Variants in NR2E3 observed in about 807,000 individuals in gnomAD.
NR2E3 encodes the protein photoreceptor-specific nuclear receptor.
Under a neutral mutation model 37.6 loss-of-function variants are expected in NR2E3, and 38 were observed. The observed-to-expected ratio is 1.01, with a 90% CI of 0.78 to 1.33. The LOEUF (loss-of-function observed/expected upper bound fraction) is 1.33. Among genes scored for constraint, NR2E3 ranks in the 40% most tolerant of loss-of-function variants. The pLI is 0.00. For missense variants in NR2E3, 562 were observed against 558.7 expected (o/e 1.01, Z -0.06); for synonymous variants, 235 against 225.1 (o/e 1.04, Z -0.39).
At position 71,812,334 on chromosome 15, in the gene NR2E3, A is replaced by G; in HGVS notation, c.572-2A>G. 1 of 1,613,470 alleles carries G rather than the reference A, an allele frequency of 6.2e-7. No homozygotes were observed. Among genetic ancestry groups the G allele is most frequent in the Non-Finnish European group, 8.5e-7 (1 of 1,179,714 alleles). ...TAAGATCACAACCTCCTCCTCCAAC[A>G]GCTGATGAGAATATTGATGTCACCA... is the stretch of plus-strand genomic sequence containing the variant. On this transcript the variant is annotated splice_acceptor_variant, in intron 4 of 7. Coordinates refer to ENST00000617575, the MANE Select transcript of NR2E3 (RefSeq NM_014249.4). LOFTEE classifies it high-confidence loss of function.
intron 7 of NR2E3, among the ~76,000 whole-genome samples, chr15:71,816,733 A>G (rs1302940266): frequency 6.6e-6 from 1 of 151,980 alleles, no homozygotes; most frequent in East Asian, 1.9e-4. Flanking sequence ...AACTAATCAT[A>G]TAATTATAAT....
intron 7 of NR2E3, 22 bp from the exon 8 acceptor site, chr15:71,817,530 T>C (rs1225925937): frequency 7.0e-6 from 11 of 1,571,042 alleles, no homozygotes; most frequent in Non-Finnish European, 8.7e-6. Context: ...GTAAAACTGA[T>C]GGCGTCCTCT....
intron 7 of NR2E3, among the ~76,000 whole-genome samples, chr15:71,816,017 C>G (rs1033009206): frequency 2.0e-5 from 3 of 152,152 alleles, no homozygotes; most frequent in Admixed American, 6.5e-5. Context: ...TTGGCACTAG[C>G]AAGAGAAAGG....
intron 7 of NR2E3, 166 bp from the exon 8 acceptor site, chr15:71,817,386 C>T: frequency 1.2e-6 from 1 of 841,220 alleles, no homozygotes; most frequent in South Asian, 2.7e-5. Context: ...GCGTGAGCCA[C>T]CACGCCTGGC....
chr15:71,818,245 A>C lies in NR2E3; in HGVS notation c.*561A>C, dbSNP rs988431445. On this transcript the variant is annotated 3_prime_UTR_variant, in exon 8 of 8. Transcript: ENST00000617575. ...ATAAAAAAGTAAAAAAAAAAAACAAAAAAAACCAGAAAAATGAGTGTGGTC... is the reference window on the plus strand; with the variant it reads ...ATAAAAAAGTAAAAAAAAAAAACAACAAAAACCAGAAAAATGAGTGTGGTC... 1 of 151,398 alleles carries C rather than the reference A, an allele frequency of 6.6e-6. No homozygotes were observed. The highest frequency in any genetic ancestry group is 1.5e-5 in the Non-Finnish European group (1 of 68,054). 9.4% of individuals were successfully genotyped at this position (151,398 alleles called of 1,614,324 possible). A position where few individuals can be genotyped will look rare whatever the true frequency, so the allele number is the denominator to read the frequency against.
intron 7 of NR2E3, chr15:71,814,874 T>C: frequency 1.0e-6 from 1 of 985,558 alleles, no homozygotes; most frequent in Non-Finnish European, 1.2e-6. Context: ...GGAGTTGAAA[T>C]GGGTCAGACC....
chr15:71,817,522 A>G (rs372078485), intron 7 of NR2E3, 30 bp from the exon 8 acceptor site: 40 of 1,569,264 alleles, frequency 2.5e-5, no homozygotes, highest in Non-Finnish European at 9.6e-6. Flanking sequence ...AGCTGGTCGT[A>G]AAACTGATGG....
At position 71,812,414 on chromosome 15, in the gene NR2E3, TGGACAGCATC is replaced by T; in HGVS notation, c.651_660del (p.Asp218MetfsTer30). 1 of 1,614,022 alleles carries T rather than the reference TGGACAGCATC, an allele frequency of 6.2e-7. No homozygotes were observed. Among genetic ancestry groups the T allele is most frequent in the East Asian group, 2.2e-5 (1 of 44,872 alleles). On this transcript the variant is annotated frameshift_variant, in exon 5 of 8. Coordinates refer to ENST00000617575, the MANE Select transcript of NR2E3 (RefSeq NM_014249.4). LOFTEE classifies it high-confidence loss of function. ...TACTCCTCTTCCTCCCCCTGCGGCC[TGGACAGCATC>T]CATGAGACCTCGGCTCGCCTACTCT...
In NR2E3 at chr15:71,811,367, A is replaced by T; in HGVS notation, c.119-116A>T. 1.0e-6 allele frequency: 1 copy of T among 966,634 alleles called. No homozygotes were observed. The highest frequency in any genetic ancestry group is 1.5e-6 in the Non-Finnish European group (1 of 651,836). The allele number at this position is 966,634 out of a possible 1,614,324, so 59.9% of individuals were successfully genotyped here. A position where few individuals can be genotyped will look rare whatever the true frequency, so the allele number is the denominator to read the frequency against. On this transcript the variant is annotated intron_variant, in intron 1 of 7. Transcript: ENST00000617575. This position sits in a 1 kb window ranked among gnomAD's most constrained non-coding sequence, Gnocchi z 5.6. ...GGAAGAGTCACGCGTGGGTTCGTTC[A>T]AATGCGGGTGAGCGGGGCCTGAGGA...
intron 7 of NR2E3, chr15:71,814,978 G>C: frequency 1.1e-6 from 1 of 883,624 alleles, no homozygotes; most frequent in African/African-American, 1.8e-5. Context: ...GAGGAAAGAC[G>C]GTTTTGAGGG....
At chr15:71,817,460 T>C in intron 7 of NR2E3, 92 bp from the exon 8 acceptor site, 1 of 1,473,262 alleles carries the variant, frequency 6.8e-7, no homozygotes, top group East Asian at 2.3e-5. Flanking sequence ...TCTCCTCTCC[T>C]TCCTCCCCTC....
chr15:71,813,933 A>C lies in NR2E3; in HGVS notation c.995-79A>C. 6.4e-7 allele frequency: 1 copy of C among 1,552,746 alleles called. No homozygotes were observed. The highest frequency in any genetic ancestry group is 8.7e-7 in the Non-Finnish European group (1 of 1,150,650). On this transcript the variant is annotated intron_variant, in intron 6 of 7. Transcript: ENST00000617575. This position sits in a 1 kb window ranked among gnomAD's most constrained non-coding sequence, Gnocchi z 4.7. ...CCCCAGGTCCATGTCTGCAGCCAGA[A>C]CCCTGGGCCACCACTTCATGGCCAG... is the stretch of plus-strand genomic sequence containing the variant.
At chr15:71,812,876 T>C (rs888500698) in intron 5 of NR2E3, among the ~76,000 whole-genome samples, 6 of 152,170 alleles carry the variant, frequency 3.9e-5, no homozygotes, top group African/African-American at 1.4e-4. Context: ...AGTGGCTGAC[T>C]CTAGGCCCCC....
rs2054188975 is a variant in NR2E3 at position 71,812,114 on chromosome 15, G to A, written c.509G>A (p.Gly170Asp). Residue 170 changes from glycine (G) to aspartate (D), a missense_variant, in exon 4 of 8, where the codon GGC (glycine) becomes GAC (aspartate). Coordinates refer to ENST00000617575, the MANE Select transcript of NR2E3 (RefSeq NM_014249.4). ...PTPMSAARALGHHFMASLITA... is the reference protein window; with the variant it reads ...PTPMSAARALDHHFMASLITA... ...CCCATGTCTGCAGCCAGAGCCCTGG[G>A]CCACCACTTCATGGCCAGCCTTATA... The A allele has an allele frequency of 6.4e-7, 1 of 1,557,954 alleles. No individual in the cohort carries two copies. Among genetic ancestry groups the A allele is most frequent in the South Asian group, 1.2e-5 (1 of 84,660 alleles).
At position 71,810,663 on chromosome 15, in the gene NR2E3, G is replaced by GT; in HGVS notation, c.-81_-80insT. ...GGAGACAGGGGCACAGAGAGACAGA[G>GT]GTTCATGGACTGAGGCAAAGGCTGG... On this transcript the variant is annotated 5_prime_UTR_variant, in exon 1 of 8. Transcript: ENST00000617575. 6.5e-7 allele frequency: 1 copy of GT among 1,539,366 alleles called. No individual in the cohort carries two copies. The highest frequency in any genetic ancestry group is 2.5e-5 in the East Asian group (1 of 40,682).
Position 71,812,024 on chromosome 15 carries a change from A to G in NR2E3, c.419A>G (p.Glu140Gly), listed in dbSNP as rs1805020. ...CTGGACAGCATGGAGTCCAACACTG[A>G]GTCCCGGCCGGAGTCCCTGGTGGCT... ...VHLDSMESNT[E>G]SRPESLVAPP... Residue 140 changes from glutamate to glycine, a missense_variant, in exon 4 of 8, where the codon GAG becomes GGG. Physicochemically the swap from Glu to Gly is moderately conservative, Grantham distance 98. Transcript: ENST00000617575. 0.032 allele frequency: 50,008 copies of G among 1,554,538 alleles called. 1,839 individuals carry two copies. Among genetic ancestry groups the G allele is most frequent in the East Asian group, 0.23 (9,258 of 41,052 alleles).
rs917747358 is a variant in NR2E3 at position 71,811,881 on chromosome 15, G to C, written c.349+12G>C. ...GATGAACCAGGACGGTGAGGCGGGG[G>C]CTGGCCCGGGGGGAGGTGACAAGAA... On this transcript the variant is annotated intron_variant, in intron 3 of 7. Coordinates refer to ENST00000617575, the MANE Select transcript of NR2E3 (RefSeq NM_014249.4). The surrounding 1 kb of genome is among the most constrained non-coding windows in gnomAD (Gnocchi z 5.6). 1.2e-5 allele frequency: 19 copies of C among 1,550,516 alleles called. No individual in the cohort carries two copies. The African/African-American group carries it at 2.3e-4, about 19-fold the overall frequency.
At chr15:71,810,995 T>G in intron 1 of NR2E3, 134 bp downstream of exon 1, 1 of 974,830 alleles carries the variant, frequency 1.0e-6, no homozygotes, top group Non-Finnish European at 1.5e-6. Context: ...AAGGGTGGGG[T>G]AGCCTGTGGG....
intron 7 of NR2E3, among the ~76,000 whole-genome samples, chr15:71,816,147 G>A (rs376700142): frequency 6.6e-6 from 1 of 152,140 alleles, no homozygotes; most frequent in African/African-American, 2.4e-5. Flanking sequence ...CTTGATGCTG[G>A]GTGTTGACCC....
Sources: gnomAD v4.1 joint callset for allele counts (sites outside exome capture counted in the v4.1 genomes callset) on GRCh38, gnomAD v4.1.1 for gene constraint, Gnocchi (gnomAD v3.1) non-coding constraint, MANE v1.5 for transcripts, NCBI Gene and HGNC (gene_info 2026-07-23, HGNC 2026-07-21) for gene names.